Variants in LGR4 observed in about 807,000 individuals in gnomAD.
LGR4 encodes the protein leucine rich repeat containing G protein-coupled receptor 4, also known as leucine-rich repeat-containing G protein-coupled receptor 4.
In LGR4, 44 loss-of-function variants were observed where a neutral mutation model predicts 84.8. The observed-to-expected ratio is 0.52, with a 90% CI of 0.41 to 0.67. The LOEUF (loss-of-function observed/expected upper bound fraction) is 0.67. Ranked by LOEUF, LGR4 falls within the 30% of genes least tolerant of loss-of-function variation. LGR4 has a pLI of 0.00. For missense variants in LGR4, 1,032 were observed against 1,131.4 expected (o/e 0.91, Z 1.26); for synonymous variants, 429 against 434.3 (o/e 0.99, Z 0.15).
At chr11:27,379,798 ACCATCC>A (rs1187479233) in intron 10 of LGR4, among the ~76,000 whole-genome samples, 2 of 152,160 alleles carry the variant, frequency 1.3e-5, no homozygotes, top group Non-Finnish European at 2.9e-5. Flanking sequence ...ATTTCTCCAT[ACCATCC>A]CCATTCTATT....
At chr11:27,450,380 T>C (rs1385805159) in intron 1 of LGR4, among the ~76,000 whole-genome samples, 2 of 152,246 alleles carry the variant, frequency 1.3e-5, no homozygotes, top group Admixed American at 1.3e-4. Context: ...CAGAATATCT[T>C]CAATTTCTCC....
chr11:27,472,404 G>T lies in LGR4; in HGVS notation c.-102C>A, dbSNP rs1415575460. ...CCGGGCAGCCGGCCTGCGGGCTGGA[G>T]CGGGGGTCTCTTCCTCGGCGGTCCG... On this transcript the variant is annotated 5_prime_UTR_variant, in exon 1 of 18. Transcript: ENST00000379214. The T allele has an allele frequency of 2.1e-6, 2 of 961,236 alleles. No homozygotes were observed. Among genetic ancestry groups the T allele is most frequent in the African/African-American group, 1.7e-5 (1 of 58,320 alleles). The allele number at this position is 961,236 out of a possible 1,614,324, so 59.5% of individuals were successfully genotyped here.
At chr11:27,412,242 A>G (rs1863725265) in intron 2 of LGR4, among the ~76,000 whole-genome samples, 1 of 152,152 alleles carries the variant, frequency 6.6e-6, no homozygotes, top group Non-Finnish European at 1.5e-5. Context: ...GCAACTGACA[A>G]GTTCAGAAAC....
chr11:27,422,547 C>A (rs771403482), intron 1 of LGR4, among the ~76,000 whole-genome samples: 4 of 152,184 alleles, frequency 2.6e-5, no homozygotes, highest in Admixed American at 6.5e-5. Flanking sequence ...AATGTTTCAG[C>A]ATGTACCTGC....
At chr11:27,408,507 T>C (rs975004677) in intron 2 of LGR4, among the ~76,000 whole-genome samples, 14 of 152,114 alleles carry the variant, frequency 9.2e-5, no homozygotes, top group African/African-American at 2.9e-4. Context: ...TATGGAAAAT[T>C]AGCTGGATAT....
At chr11:27,423,720 T>C (rs1341164574) in intron 1 of LGR4, among the ~76,000 whole-genome samples, 1 of 152,196 alleles carries the variant, frequency 6.6e-6, no homozygotes, top group Non-Finnish European at 1.5e-5. Context: ...GTCCTGAATC[T>C]TGGGGAGCAA....
At chr11:27,457,340 C>T (rs745411829) in intron 1 of LGR4, among the ~76,000 whole-genome samples, 1 of 152,088 alleles carries the variant, frequency 6.6e-6, no homozygotes, top group Non-Finnish European at 1.5e-5. Context: ...AAGCAAAATG[C>T]TTCACATTAG....
At position 27,378,761 on chromosome 11, in the gene LGR4, T is replaced by C. The variant is rs75496259; in HGVS notation, c.979A>G (p.Thr327Ala). ...GGTATGCTGCTTATCTTTGTACCTG[T>C]CAAAGTCCTGCGGAAAAACATTATT... ...GTVHLESLTLTGTKISSIPNN... is the reference protein window; with the variant it reads ...GTVHLESLTLAGTKISSIPNN... The change falls in exon 11 of 18, where the codon ACA (threonine) becomes GCA (alanine). Residue 327 changes from threonine (T) to alanine (A), a missense_variant. By Grantham distance (58) the Thr-to-Ala change is moderately conservative. Coordinates refer to ENST00000379214, the MANE Select transcript of LGR4 (RefSeq NM_018490.5). 7.0e-4 allele frequency: 1,119 copies of C among 1,609,050 alleles called. No homozygotes were observed. The highest frequency in any genetic ancestry group is 8.6e-4 in the South Asian group (78 of 90,248).
At chr11:27,466,945 G>A (rs1444323823) in intron 1 of LGR4, among the ~76,000 whole-genome samples, 4 of 151,834 alleles carry the variant, frequency 2.6e-5, no homozygotes, top group African/African-American at 4.8e-5. Flanking sequence ...CACCACGCCC[G>A]GCTAATTTTT....
At chr11:27,426,580 T>G (rs1864028490) in intron 1 of LGR4, among the ~76,000 whole-genome samples, 1 of 152,218 alleles carries the variant, frequency 6.6e-6, no homozygotes, top group African/African-American at 2.4e-5. Flanking sequence ...CCTCAGTTTC[T>G]GCAAGTGTAA....
intron 6 of LGR4, among the ~76,000 whole-genome samples, chr11:27,382,848 C>T (rs1863122892): frequency 6.6e-6 from 1 of 152,082 alleles, no homozygotes; most frequent in Non-Finnish European, 1.5e-5. Flanking sequence ...GAAAACCCAT[C>T]TCTACTAAAA....
intron 3 of LGR4, among the ~76,000 whole-genome samples, chr11:27,391,530 T>C (rs1351033639): frequency 6.6e-6 from 1 of 152,142 alleles, no homozygotes; most frequent in Non-Finnish European, 1.5e-5. Context: ...GGAGGTATAA[T>C]AAGCAAATCC....
In LGR4 at chr11:27,374,059, G is replaced by T; in HGVS notation, c.1182-13C>A. On this transcript the variant is annotated splice_polypyrimidine_tract_variant and intron_variant, in intron 13 of 17. Transcript: ENST00000379214. ...TCTACTCAGATCTCTGCAATTATAA[G>T]AGTAACATGTTAATCTTTCAAATAA... 6.4e-7 allele frequency: 1 copy of T among 1,568,034 alleles called. No individual in the cohort carries two copies. Among genetic ancestry groups the T allele is most frequent in the Non-Finnish European group, 8.8e-7 (1 of 1,138,440 alleles).
intron 1 of LGR4, among the ~76,000 whole-genome samples, chr11:27,451,137 T>A (rs955911500): frequency 7.9e-5 from 12 of 152,216 alleles, no homozygotes; most frequent in Admixed American, 2.6e-4. Context: ...AAGAGTCAAC[T>A]TTTATTTCCA....
At chr11:27,433,558 C>A (rs1402934230) in intron 1 of LGR4, among the ~76,000 whole-genome samples, 1 of 152,056 alleles carries the variant, frequency 6.6e-6, no homozygotes, top group East Asian at 1.9e-4. Context: ...CTCCCACAAC[C>A]TAATGTTCTT....
chr11:27,415,377 C>T (rs1863795863), intron 1 of LGR4, among the ~76,000 whole-genome samples: 1 of 152,074 alleles, frequency 6.6e-6, no homozygotes, highest in Non-Finnish European at 1.5e-5. Context: ...CAATTAATTG[C>T]CTCACCAGAA....
At chr11:27,466,773 T>C (rs1590416750) in intron 1 of LGR4, among the ~76,000 whole-genome samples, 1 of 152,142 alleles carries the variant, frequency 6.6e-6, no homozygotes, top group Non-Finnish European at 1.5e-5. Flanking sequence ...AGAGAATTAC[T>C]GGTTCATGTC....
rs551342145 is a variant in LGR4 at position 27,460,022 on chromosome 11, G to A, written c.185+12096C>T. 5.1e-4 allele frequency among the ~76,000 whole-genome samples: 78 copies of A among 152,168 alleles called. 1 individual carries two copies. The highest frequency in any genetic ancestry group is 3.4e-3 in the Admixed American group (52 of 15,280). ...ATGAGAATCACTTGAACCGGGAAGCGGAGGCTACAGTGAGCCGAGATGGCA... is the reference window on the plus strand; with the variant it reads ...ATGAGAATCACTTGAACCGGGAAGCAGAGGCTACAGTGAGCCGAGATGGCA... On this transcript the variant is annotated intron_variant, in intron 1 of 17. Coordinates refer to ENST00000379214, the MANE Select transcript of LGR4 (RefSeq NM_018490.5).
rs1455553063 is a variant in LGR4, at chr11:27,382,451, G to T, written c.690-195C>A. On this transcript the variant is annotated intron_variant, in intron 6 of 17. Coordinates refer to ENST00000379214, the MANE Select transcript of LGR4 (RefSeq NM_018490.5). ...CTTTTCTTACAATAATGAATAGAGA[G>T]AAATCATTCTTCTTCCATGATGTTT... Among the ~76,000 whole-genome samples, 18 of 152,186 alleles carry T rather than the reference G, an allele frequency of 1.2e-4. No homozygotes were observed. In the East Asian group the frequency reaches 3.5e-3, roughly 29 times the overall value.
Sources: allele counts gnomAD v4.1 joint callset (sites outside exome capture counted in the v4.1 genomes callset), GRCh38; gene constraint gnomAD v4.1.1; transcripts MANE v1.5; gene names NCBI Gene and HGNC (gene_info 2026-07-23, HGNC 2026-07-21).